Variants in MAG observed in about 807,000 individuals in gnomAD.
The protein encoded by MAG is myelin-associated glycoprotein.
Under a neutral mutation model 60.7 loss-of-function variants are expected in MAG, and 30 were observed. The ratio of observed to expected loss-of-function variants is 0.49; its 90% CI spans 0.37 to 0.67. The LOEUF is 0.67. MAG is among the 30% of genes least tolerant of loss of function. MAG has a pLI of 0.00. For missense variants in MAG, 795 were observed against 851.7 expected, an observed-to-expected ratio of 0.93 and a Z score of 0.83; for synonymous variants, 384 against 376.8, an observed-to-expected ratio of 1.02 and a Z score of -0.22.
intron 4 of MAG, among the ~76,000 whole-genome samples, chr19:35,296,831 T>C (rs989914431): frequency 3.7e-5 from 5 of 135,980 alleles, no homozygotes; most frequent in East Asian, 2.4e-4. Flanking sequence ...ACACTACACA[T>C]ACATCACACA....
chr19:35,295,316 T>C lies in MAG; in HGVS notation c.-23-70T>C. 4 of 1,283,254 alleles carry C rather than the reference T, an allele frequency of 3.1e-6. No individual in the cohort carries two copies. Among genetic ancestry groups the C allele is most frequent in the Non-Finnish European group, 3.3e-6 (3 of 900,846 alleles). 79.5% of individuals were successfully genotyped at this position (1,283,254 alleles called of 1,614,324 possible). On this transcript the variant is annotated intron_variant, in intron 2 of 10. Transcript: ENST00000392213. The surrounding 1 kb of genome is among the most constrained non-coding windows in gnomAD (Gnocchi z 5.8). ...AGCAGCTAACATATGAATGGGCCCC[T>C]TCCTGAAGCCCAGATGGAACACCCC...
Position 35,295,776 on chromosome 19 carries a change from C to G in MAG, c.210C>G (p.Pro70=), listed in dbSNP as rs201989331. The part of the protein sequence containing the change: ...YFNSPYPKNY[P]PVVFKSRTQV... ...ATAGCCCCTACCCCAAGAACTACCC[C>G]CCGGTGGTCTTCAAGTCGCGCACCC... is the stretch of plus-strand genomic sequence containing the variant. The change falls in exon 4 of 11, where the codon CCC becomes CCG. Residue 70 remains proline (P), a synonymous_variant. Transcript: ENST00000392213. The surrounding 1 kb of genome is among the most constrained non-coding windows in gnomAD (Gnocchi z 5.8). The G allele has an allele frequency of 5.6e-6, 9 of 1,614,020 alleles. No individual in the cohort carries two copies. The East Asian group carries it at 6.7e-5, about 12-fold the overall frequency.
intron 4 of MAG, among the ~76,000 whole-genome samples, chr19:35,297,431 TCCA>T (rs1284873010): frequency 3.9e-5 from 3 of 77,364 alleles, no homozygotes; most frequent in Non-Finnish European, 7.7e-5. Context: ...ACACCACACA[TCCA>T]CCACGCTACA....
chr19:35,312,210 A>G, intron 10 of MAG, 193 bp downstream of exon 10: 7 of 1,446,086 alleles, frequency 4.8e-6, no homozygotes, highest in Non-Finnish European at 4.9e-6. Flanking sequence ...GTAGGGGGCG[A>G]TGGGACGTGG....
intron 10 of MAG, 182 bp downstream of exon 10, chr19:35,312,199 T>C: frequency 2.9e-6 from 4 of 1,387,296 alleles, no homozygotes; most frequent in Non-Finnish European, 3.1e-6. Context: ...GCCGAAGCTG[T>C]GTAGGGGGCG....
intron 4 of MAG, among the ~76,000 whole-genome samples, chr19:35,297,639 C>CTA (rs2066410691): frequency 6.7e-6 from 1 of 148,226 alleles, no homozygotes; most frequent in Non-Finnish European, 1.5e-5. Flanking sequence ...TACCCACACA[C>CTA]CACACACACT....
In MAG at chr19:35,311,966, C is replaced by G. The variant is rs150375492; in HGVS notation, c.1665C>G (p.Pro555=). Residue 555 remains proline (P), a synonymous_variant, in exon 10 of 11, where the codon CCC becomes CCG. Transcript: ENST00000392213. ...SPSFSAGDNP[P]VLFSSDFRIS... ...GCTTCTCGGCAGGGGACAACCCTCCCGTCCTGTTCAGCAGCGACTTCCGCA... is the reference window on the plus strand; with the variant it reads ...GCTTCTCGGCAGGGGACAACCCTCCGGTCCTGTTCAGCAGCGACTTCCGCA... 9 of 1,613,480 alleles carry G rather than the reference C, an allele frequency of 5.6e-6. No homozygotes were observed. The highest frequency in any genetic ancestry group is 7.6e-6 in the Non-Finnish European group (9 of 1,179,714).
chr19:35,310,737 AC>A, intron 9 of MAG, 94 bp downstream of exon 9: 2 of 1,037,932 alleles, frequency 1.9e-6, no homozygotes, highest in Non-Finnish European at 3.0e-6. Context: ...GGAAGGCAGC[AC>A]CATAAGTGTA....
intron 7 of MAG, among the ~76,000 whole-genome samples, chr19:35,309,120 C>G (rs1157357018): frequency 6.6e-6 from 1 of 152,128 alleles, no homozygotes; most frequent in Admixed American, 6.5e-5. Flanking sequence ...CCAGGAGAAA[C>G]GGCCCGTCCC....
chr19:35,299,844 G>A lies in MAG; in HGVS notation c.706G>A (p.Val236Ile), dbSNP rs373129536. 2.5e-5 allele frequency: 36 copies of A among 1,441,498 alleles called. No individual in the cohort carries two copies. In the East Asian group the frequency reaches 4.2e-4, roughly 17 times the overall value. The allele number at this position is 1,441,498 out of a possible 1,614,324, so 89.3% of individuals were successfully genotyped here. Residue 236 changes from valine to isoleucine, a missense_variant, in exon 5 of 11, where the codon GTC becomes ATC. Coordinates refer to ENST00000392213, the MANE Select transcript of MAG (RefSeq NM_002361.4). ...GTTCGAGGGCTACGCCAGCATGGACGTCAAGTGTGAGCCTGGGTGCGGGCG... is the reference window on the plus strand; with the variant it reads ...GTTCGAGGGCTACGCCAGCATGGACATCAAGTGTGAGCCTGGGTGCGGGCG... Reference protein sequence around the residue: ...LQFEGYASMDVKYPPVIVEMN... With the variant: ...LQFEGYASMDIKYPPVIVEMN...
intron 1 of MAG, 131 bp from the exon 2 acceptor site, chr19:35,294,104 C>G (rs1305257400): frequency 4.1e-6 from 1 of 241,926 alleles, no homozygotes; most frequent in Non-Finnish European, 7.5e-6. Context: ...GGGAGGGTCC[C>G]AGGCACAATG....
chr19:35,294,084 G>A lies in MAG; in HGVS notation c.-79-151G>A, dbSNP rs143203244. 646 of 268,134 alleles carry A rather than the reference G, an allele frequency of 2.4e-3. 6 individuals are homozygous for A. Among genetic ancestry groups the A allele is most frequent in the African/African-American group, 0.016 (616 of 39,240 alleles). 16.6% of individuals were successfully genotyped at this position (268,134 alleles called of 1,614,324 possible). A position where few individuals can be genotyped will look rare whatever the true frequency, so the allele number is the denominator to read the frequency against. On this transcript the variant is annotated intron_variant, in intron 1 of 10. Transcript: ENST00000392213. ...GGAGTTGTTGCCAGAGAGTGGCTTC[G>A]AGGCTGTGTGGGAGGGTCCCAGGCA...
At chr19:35,296,122 C>A (rs567780776) in intron 4 of MAG, 141 bp downstream of exon 4, 11 of 1,148,140 alleles carry the variant, frequency 9.6e-6, no homozygotes, top group African/African-American at 9.3e-5. Flanking sequence ...GGGGTGCAAA[C>A]CTCAAGGCCC....
In MAG at chr19:35,300,127, C is replaced by T. The variant is rs1279596058; in HGVS notation, c.713-20C>T. The T allele has an allele frequency of 2.0e-6, 3 of 1,513,702 alleles. No homozygotes were observed. The highest frequency in any genetic ancestry group is 8.9e-7 in the Non-Finnish European group (1 of 1,129,246). The allele number at this position is 1,513,702 out of a possible 1,614,324, so 93.8% of individuals were successfully genotyped here. On this transcript the variant is annotated intron_variant, in intron 5 of 10. Coordinates refer to ENST00000392213, the MANE Select transcript of MAG (RefSeq NM_002361.4). ...TTCCCCAGCACCTGCTCACTAACCTCGCTGTGTCGCGGGCCTTAGACCCCC... is the reference window on the plus strand; with the variant it reads ...TTCCCCAGCACCTGCTCACTAACCTTGCTGTGTCGCGGGCCTTAGACCCCC...
At chr19:35,304,146 C>T (rs2066467839) in intron 7 of MAG, among the ~76,000 whole-genome samples, 1 of 152,218 alleles carries the variant, frequency 6.6e-6, no homozygotes, top group Admixed American at 6.5e-5. Context: ...CCTCTCGTGG[C>T]AAAGCCGTCC....
rs756136921 is a variant in MAG, at chr19:35,310,066, C to G, written c.1424C>G (p.Thr475Arg). Residue 475 changes from threonine (T) to arginine (R), a missense_variant, in exon 8 of 11, where the codon ACG becomes AGG. Thr to Arg is a moderately conservative substitution (Grantham distance 71, BLOSUM62 -1). Coordinates refer to ENST00000392213, the MANE Select transcript of MAG (RefSeq NM_002361.4). The stretch of plus-strand genomic sequence containing the variant: ...GGCCTCGTGCTCACCAGCATCCTCA[C>G]GCTGCGGGGGCAGGCCCAGGCCCCG... ...RSGLVLTSIL[T>R]LRGQAQAPPR... is the part of the protein sequence containing the mutation. 6.2e-7 allele frequency: 1 copy of G among 1,613,458 alleles called. No homozygotes were observed.
intron 4 of MAG, among the ~76,000 whole-genome samples, chr19:35,296,575 A>G (rs1054218904): frequency 1.3e-5 from 2 of 152,148 alleles, no homozygotes; most frequent in Admixed American, 1.3e-4. Flanking sequence ...CTTTAAGCCA[A>G]ATAGAATACA....
intron 8 of MAG, 120 bp from the exon 9 acceptor site, chr19:35,310,427 T>G: frequency 1.1e-6 from 1 of 939,096 alleles, no homozygotes; most frequent in Non-Finnish European, 1.7e-6. Flanking sequence ...AATCAGTCAG[T>G]GCAAGGATGC....
rs759347567 is a variant in MAG at position 35,300,231 on chromosome 19, A to AC, written c.803dup (p.Pro269AlafsTer119). 3 of 1,576,822 alleles carry AC rather than the reference A, an allele frequency of 1.9e-6. No homozygotes were observed. Among genetic ancestry groups the AC allele is most frequent in the Non-Finnish European group, 2.6e-6 (3 of 1,163,326 alleles). ...AGCCTGCTCTGTGGGGCTGACAGCA[A>AC]CCCCCCGCCGCTGCTGACCTGGATG... is the stretch of plus-strand genomic sequence containing the variant. On this transcript the variant is annotated frameshift_variant, in exon 6 of 11. Transcript: ENST00000392213. LOFTEE classifies it high-confidence loss of function.
Sources: gnomAD v4.1 joint callset for allele counts (sites outside exome capture counted in the v4.1 genomes callset) on GRCh38, gnomAD v4.1.1 for gene constraint, Gnocchi (gnomAD v3.1) non-coding constraint, MANE v1.5 for transcripts, NCBI Gene and HGNC (gene_info 2026-07-23, HGNC 2026-07-21) for gene names.